The following HMOX2 variants were observed in gnomAD, a reference collection of about 807,000 sequenced individuals.
HMOX2 encodes the protein heme oxygenase 2.
In HMOX2, 30 loss-of-function variants were observed where a neutral mutation model predicts 33.7. That is an observed-to-expected ratio of 0.89 (90% CI 0.67 to 1.21). HMOX2 has a LOEUF of 1.21. Among genes scored for constraint, HMOX2 ranks in the 50% most tolerant of loss-of-function variants. HMOX2 has a pLI of 0.00. For synonymous variants in HMOX2, 155 were observed against 155.0 expected (o/e 1.00, Z 0.00); for missense variants, 403 against 399.1 (o/e 1.01, Z -0.08).
In HMOX2 at chr16:4,509,628, G is replaced by C. The variant is rs2058787997; in HGVS notation, c.824-1G>C. On this transcript the variant is annotated splice_acceptor_variant, in intron 5 of 5. Transcript: ENST00000570646. LOFTEE classifies it high-confidence loss of function. ...TGTCTCCTATTGGTGCTGCCACACA[G>C]GTGCCCTGGAGGGCAGCAGCTGTCC... The C allele has an allele frequency of 1.2e-6, 2 of 1,613,442 alleles. No homozygotes were observed. Among genetic ancestry groups the C allele is most frequent in the Non-Finnish European group, 1.7e-6 (2 of 1,179,478 alleles).
chr16:4,492,807 C>T (rs770881775), intron 1 of HMOX2, among the ~76,000 whole-genome samples: 3 of 151,754 alleles, frequency 2.0e-5, no homozygotes, highest in African/African-American at 7.3e-5. Flanking sequence ...GAGGCCGAGG[C>T]GGGCGGATCA....
At chr16:4,492,439 G>T (rs1416583097) in intron 1 of HMOX2, among the ~76,000 whole-genome samples, 1 of 152,152 alleles carries the variant, frequency 6.6e-6, no homozygotes, top group African/African-American at 2.4e-5. Context: ...CTAGATACAG[G>T]CTGGGTGTGG....
intron 1 of HMOX2, among the ~76,000 whole-genome samples, chr16:4,503,333 C>G (rs1180790839): frequency 6.6e-6 from 1 of 152,124 alleles, no homozygotes; most frequent in Non-Finnish European, 1.5e-5. Context: ...AGCCCTGCCC[C>G]AAATCCTGTC....
intron 1 of HMOX2, among the ~76,000 whole-genome samples, chr16:4,485,321 G>A (rs950079510): frequency 1.3e-5 from 2 of 152,140 alleles, no homozygotes; most frequent in African/African-American, 4.8e-5. Context: ...CAGAGCCCAT[G>A]GATATGGAGG....
intron 2 of HMOX2, 115 bp from the exon 3 acceptor site, chr16:4,506,780 C>T (rs2058703464): frequency 1.4e-6 from 1 of 721,260 alleles, no homozygotes; most frequent in African/African-American, 1.8e-5. Context: ...GAAGCCCCAG[C>T]CTCCAGTACA....
chr16:4,487,922 G>A (rs1197969069), intron 1 of HMOX2, among the ~76,000 whole-genome samples: 1 of 145,948 alleles, frequency 6.9e-6, no homozygotes. Flanking sequence ...TTGCATGCCA[G>A]CCTTGGCAAC....
At chr16:4,475,366 G>A (rs1224772750), upstream of HMOX2, among the ~76,000 whole-genome samples, 2 of 141,718 alleles carry the variant, frequency 1.4e-5, no homozygotes, top group Non-Finnish European at 2.9e-5. Flanking sequence ...GTGCAGTGGT[G>A]GTGCGATCTT....
chr16:4,475,354 G>C (rs911701258), upstream of HMOX2, among the ~76,000 whole-genome samples: 2 of 141,746 alleles, frequency 1.4e-5, no homozygotes, highest in Non-Finnish European at 2.9e-5. Flanking sequence ...GCCCAGGCTG[G>C]AGTGCAGTGG....
intron 1 of HMOX2, among the ~76,000 whole-genome samples, chr16:4,494,588 A>G (rs1343524450): frequency 6.6e-6 from 1 of 152,132 alleles, no homozygotes; most frequent in African/African-American, 2.4e-5. Flanking sequence ...CTTTAAAAAA[A>G]TAAGTTTGGG....
chr16:4,482,488 A>G (rs1296288607), intron 1 of HMOX2, among the ~76,000 whole-genome samples: 2 of 152,202 alleles, frequency 1.3e-5, no homozygotes, highest in Non-Finnish European at 2.9e-5. Context: ...TAAGTCAGTT[A>G]AATTCTGATA....
rs1194670484 is a variant in HMOX2 at position 4,509,758 on chromosome 16, G to A, written c.*2G>A. ...CTCTTGGCCTGGTACTACATGTGAA[G>A]CACCCATCATGCCACACCGGTACCC... is the stretch of plus-strand genomic sequence containing the variant. On this transcript the variant is annotated 3_prime_UTR_variant, in exon 6 of 6. Coordinates refer to ENST00000570646, the MANE Select transcript of HMOX2 (RefSeq NM_002134.4). 1.9e-6 allele frequency: 3 copies of A among 1,611,986 alleles called. No individual in the cohort carries two copies. The highest frequency in any genetic ancestry group is 1.3e-5 in the African/African-American group (1 of 74,872).
At chr16:4,499,427 G>A (rs1389029699) in intron 1 of HMOX2, among the ~76,000 whole-genome samples, 19 of 152,186 alleles carry the variant, frequency 1.2e-4, no homozygotes, top group Admixed American at 1.2e-3. Context: ...AATGGTGCAT[G>A]ATATCACTTA....
intron 1 of HMOX2, among the ~76,000 whole-genome samples, chr16:4,482,578 C>T (rs891815707): frequency 6.6e-6 from 1 of 152,202 alleles, no homozygotes; most frequent in Non-Finnish European, 1.5e-5. Context: ...GCACTAGTCA[C>T]AAGTAGTAAA....
rs139408324 is a variant in HMOX2, at chr16:4,509,135, T to C, written c.697-277T>C. 2.5e-4 allele frequency among the ~76,000 whole-genome samples: 38 copies of C among 152,250 alleles called. No individual in the cohort carries two copies. In the East Asian group the frequency reaches 6.8e-3, roughly 27 times the overall value. On this transcript the variant is annotated intron_variant, in intron 4 of 5. Coordinates refer to ENST00000570646, the MANE Select transcript of HMOX2 (RefSeq NM_002134.4). ...TGGGAGGCTGAGGCAGGGGCATTACTTGACCCCAGGAGTTGAAGACCAGCC... is the reference window on the plus strand; with the variant it reads ...TGGGAGGCTGAGGCAGGGGCATTACCTGACCCCAGGAGTTGAAGACCAGCC...
intron 1 of HMOX2, among the ~76,000 whole-genome samples, chr16:4,499,338 G>A (rs2058503110): frequency 6.6e-6 from 1 of 152,194 alleles, no homozygotes; most frequent in Non-Finnish European, 1.5e-5. Context: ...AAACAAGAAG[G>A]AAATTCTGTC....
At chr16:4,485,392 A>G (rs1423840715) in intron 1 of HMOX2, among the ~76,000 whole-genome samples, 5 of 152,232 alleles carry the variant, frequency 3.3e-5, no homozygotes, top group African/African-American at 1.2e-4. Flanking sequence ...GGGGATGTGC[A>G]AATACAACAA....
intron 1 of HMOX2, chr16:4,495,560 C>A (rs1339911006): frequency 6.6e-6 from 1 of 152,088 alleles, no homozygotes; most frequent in Non-Finnish European, 1.5e-5. Flanking sequence ...CCTTGCAGGC[C>A]CAGAGTGAGA....
intron 1 of HMOX2, among the ~76,000 whole-genome samples, chr16:4,501,985 G>T (rs2058570534): frequency 6.6e-6 from 1 of 152,208 alleles, no homozygotes; most frequent in African/African-American, 2.4e-5. Context: ...TATTCTTCCT[G>T]TTAGCTTTCC....
At chr16:4,492,462 A>G (rs551254699) in intron 1 of HMOX2, among the ~76,000 whole-genome samples, 1 of 152,192 alleles carries the variant, frequency 6.6e-6, no homozygotes, top group Admixed American at 6.5e-5. Context: ...GCTCACAGCT[A>G]TAATCCCAGC....
Sources: allele counts gnomAD v4.1 joint callset (sites outside exome capture counted in the v4.1 genomes callset), GRCh38; gene constraint gnomAD v4.1.1; transcripts MANE v1.5; gene names NCBI Gene and HGNC (gene_info 2026-07-23, HGNC 2026-07-21).